Variants in SORCS1 observed in about 807,000 individuals in gnomAD.
SORCS1 encodes VPS10 domain-containing receptor SorCS1.
A neutral mutation model predicts 146.1 loss-of-function variants in SORCS1; 60 were observed. The ratio of observed to expected loss-of-function variants is 0.41; its 90% confidence interval spans 0.33 to 0.51. The LOEUF (loss-of-function observed/expected upper bound fraction) is 0.51, where lower values mean the gene tolerates loss of function less well. Ranked by LOEUF, SORCS1 falls within the 20% of genes least tolerant of loss-of-function variation. The probability of loss-of-function intolerance (pLI) is 0.21; values close to 1 mark genes in which losing one functional copy is unlikely to be tolerated. For missense variants in SORCS1, 1,352 were observed against 1,487.6 expected (o/e 0.91, Z 1.50); for synonymous variants, 637 against 584.0 (o/e 1.09, Z -1.31).
intron 18 of SORCS1, among the ~76,000 whole-genome samples, chr10:106,640,187 C>A (rs1489665953): frequency 6.6e-6 from 1 of 152,174 alleles, no homozygotes. Context: ...TATCAACAGC[C>A]ATCTTCTCTA....
At chr10:106,920,302 G>T (rs914184042) in intron 2 of SORCS1, among the ~76,000 whole-genome samples, 4 of 152,126 alleles carry the variant, frequency 2.6e-5, no homozygotes, top group Non-Finnish European at 5.9e-5. Context: ...CTTTCTTTAG[G>T]TTTTCTTCTT....
At chr10:107,023,902 A>T (rs1292437499) in intron 1 of SORCS1, among the ~76,000 whole-genome samples, 1 of 152,178 alleles carries the variant, frequency 6.6e-6, no homozygotes, top group Non-Finnish European at 1.5e-5. Flanking sequence ...AAAAGAAAAG[A>T]AATAAAAAAG....
chr10:107,075,885 T>C (rs541877332), intron 1 of SORCS1, among the ~76,000 whole-genome samples: 1 of 152,108 alleles, frequency 6.6e-6, no homozygotes, highest in African/African-American at 2.4e-5. Flanking sequence ...ACGATTTTCT[T>C]AGGGAGCTTC....
chr10:107,062,469 C>A (rs572796515), intron 1 of SORCS1, among the ~76,000 whole-genome samples: 1 of 151,688 alleles, frequency 6.6e-6, no homozygotes, highest in Non-Finnish European at 1.5e-5. Context: ...ATTAAGGCAC[C>A]TTTTTAATTA....
intron 24 of SORCS1, among the ~76,000 whole-genome samples, chr10:106,593,330 C>T (rs1277399061): frequency 6.6e-6 from 1 of 151,990 alleles, no homozygotes; most frequent in Admixed American, 6.6e-5. Flanking sequence ...GGAGCAATCA[C>T]CAACAGGAAA....
At chr10:106,850,933 C>CA (rs971249534) in intron 2 of SORCS1, among the ~76,000 whole-genome samples, 4 of 152,146 alleles carry the variant, frequency 2.6e-5, no homozygotes, top group East Asian at 1.9e-4. Flanking sequence ...TAGCCAATTG[C>CA]AAAAAAACAC....
chr10:106,990,791 C>G (rs1044770175), intron 1 of SORCS1, among the ~76,000 whole-genome samples: 9 of 152,156 alleles, frequency 5.9e-5, no homozygotes, highest in African/African-American at 1.4e-4. Flanking sequence ...TGTGAGTACA[C>G]TGTTAAAATT....
chr10:107,164,169 G>C lies in SORCS1; in HGVS notation c.358C>G (p.Arg120Gly). The change falls in exon 1 of 26, where the codon CGG becomes GGG. Residue 120 changes from arginine to glycine, a missense_variant. Arg to Gly is a moderately radical substitution (Grantham distance 125, BLOSUM62 -2). Transcript: ENST00000263054. This position sits in a 1 kb window ranked among gnomAD's most constrained non-coding sequence, Gnocchi z 6.8. ...GGGCTCCGACTCGCGCCCTCTCCCC[G>C]TTCTGCCTTCTCCTGATCCGCTCCG... ...RSGADQEKAERGEGASRSPRG... is the reference protein window; with the variant it reads ...RSGADQEKAEGGEGASRSPRG... The C allele has an allele frequency of 6.2e-7, 1 of 1,612,418 alleles. No individual in the cohort carries two copies. The highest frequency in any genetic ancestry group is 8.5e-7 in the Non-Finnish European group (1 of 1,179,974).
intron 2 of SORCS1, among the ~76,000 whole-genome samples, chr10:106,891,173 A>T (rs1379611883): frequency 6.6e-6 from 1 of 152,194 alleles, no homozygotes; most frequent in East Asian, 1.9e-4. Flanking sequence ...GAAACAGAAT[A>T]TTATTAATTA....
chr10:106,799,426 C>A (rs1234161229), intron 3 of SORCS1, among the ~76,000 whole-genome samples: 1 of 152,100 alleles, frequency 6.6e-6, no homozygotes, highest in Non-Finnish European at 1.5e-5. Context: ...AAGAAACTAC[C>A]ATCAGAGTGA....
chr10:106,995,147 C>T (rs1336861715), intron 1 of SORCS1, among the ~76,000 whole-genome samples: 1 of 151,770 alleles, frequency 6.6e-6, no homozygotes, highest in African/African-American at 2.4e-5. Context: ...CCCGCCTCTA[C>T]TAAAAAAATA....
At chr10:106,933,795 C>A (rs1953541275) in intron 2 of SORCS1, among the ~76,000 whole-genome samples, 1 of 152,134 alleles carries the variant, frequency 6.6e-6, no homozygotes, top group Admixed American at 6.5e-5. Flanking sequence ...GCAACTTCAA[C>A]TATGAAAAAC....
intron 1 of SORCS1, among the ~76,000 whole-genome samples, chr10:107,048,120 G>A (rs1351210186): frequency 6.6e-6 from 1 of 152,108 alleles, no homozygotes; most frequent in African/African-American, 2.4e-5. Flanking sequence ...CTGGCTACCT[G>A]GATGGGGCCT....
At chr10:106,983,174 A>G (rs1361839551) in intron 1 of SORCS1, among the ~76,000 whole-genome samples, 1 of 144,600 alleles carries the variant, frequency 6.9e-6, no homozygotes, top group Non-Finnish European at 1.5e-5. Flanking sequence ...CTATATATAA[A>G]TATACATATT....
intron 7 of SORCS1, among the ~76,000 whole-genome samples, chr10:106,708,826 C>T (rs1854731021): frequency 6.6e-6 from 1 of 152,142 alleles, no homozygotes; most frequent in South Asian, 2.1e-4. Context: ...GGCTGATTGG[C>T]TGACCCTTTC....
chr10:106,983,122 A>G (rs1589847800), intron 1 of SORCS1, among the ~76,000 whole-genome samples: 1 of 143,104 alleles, frequency 7.0e-6, no homozygotes, highest in African/African-American at 2.5e-5. Context: ...ATATATATAT[A>G]TTTCTATAAA....
chr10:107,087,828 C>T (rs2134284129), intron 1 of SORCS1, among the ~76,000 whole-genome samples: 1 of 152,374 alleles, frequency 6.6e-6, no homozygotes, highest in African/African-American at 2.4e-5. Context: ...GAAATCTTCC[C>T]ATAGCTCCTG....
At chr10:106,777,036 T>G (rs960093534) in intron 3 of SORCS1, among the ~76,000 whole-genome samples, 5 of 152,240 alleles carry the variant, frequency 3.3e-5, no homozygotes, top group African/African-American at 1.2e-4. Flanking sequence ...CTGTGCCTTA[T>G]GCACTTTCCA....
chr10:107,155,472 T>G (rs778090436), intron 1 of SORCS1, among the ~76,000 whole-genome samples: 1 of 152,136 alleles, frequency 6.6e-6, no homozygotes, highest in Non-Finnish European at 1.5e-5. Flanking sequence ...CAGGCACCTA[T>G]GAGTGAGCCC....
Sources: gnomAD v4.1 joint callset for allele counts (sites outside exome capture counted in the v4.1 genomes callset) on GRCh38, gnomAD v4.1.1 for gene constraint, Gnocchi (gnomAD v3.1) non-coding constraint, MANE v1.5 for transcripts, NCBI Gene and HGNC (gene_info 2026-07-23, HGNC 2026-07-21) for gene names.